The following FAM13B variants were observed in gnomAD, a reference collection of about 807,000 sequenced individuals.
FAM13B encodes the protein protein FAM13B.
In FAM13B, 60 loss-of-function variants were observed where a neutral mutation model predicts 117.3. The observed-to-expected ratio is 0.51, with a 90% CI of 0.42 to 0.63. The LOEUF (loss-of-function observed/expected upper bound fraction) is 0.63. Among genes scored for constraint, FAM13B ranks in the 30% least tolerant of loss-of-function variants. FAM13B has a pLI of 0.00. For synonymous variants in FAM13B, 332 were observed against 356.1 expected, an observed-to-expected ratio of 0.93 and a Z score of 0.76; for missense variants, 972 against 1,091.9, an observed-to-expected ratio of 0.89 and a Z score of 1.55.
chr5:137,988,060 CA>C (rs1327749233), intron 8 of FAM13B, among the ~76,000 whole-genome samples: 4 of 152,044 alleles, frequency 2.6e-5, no homozygotes, highest in East Asian at 1.9e-4. Flanking sequence ...TCAGAGGATT[CA>C]AAAAAACCAT....
At chr5:138,049,325 A>G (rs1362380041) in intron 1 of FAM13B, among the ~76,000 whole-genome samples, 1 of 151,624 alleles carries the variant, frequency 6.6e-6, no homozygotes, top group Admixed American at 6.6e-5. Context: ...CCAGGCTGGA[A>G]TACAATGGCG....
chr5:138,031,061 A>C (rs894274236), intron 1 of FAM13B, among the ~76,000 whole-genome samples: 10 of 152,082 alleles, frequency 6.6e-5, no homozygotes, highest in Admixed American at 6.6e-5. Flanking sequence ...AATTTACACT[A>C]TTATAGTCCC....
chr5:138,001,454 G>C (rs954885361), intron 7 of FAM13B, among the ~76,000 whole-genome samples: 2 of 152,096 alleles, frequency 1.3e-5, no homozygotes, highest in African/African-American at 4.8e-5. Context: ...TGACACATTT[G>C]CTATATATGT....
upstream of FAM13B, chr5:138,036,161 T>G: frequency 2.8e-6 from 1 of 351,870 alleles, no homozygotes; most frequent in Non-Finnish European, 5.6e-6. Context: ...TCACTGTAGT[T>G]CTGTATGTTA....
chr5:137,988,277 G>A lies in FAM13B; in HGVS notation c.887C>T (p.Thr296Ile). Residue 296 changes from threonine (T) to isoleucine (I), a missense_variant, in exon 8 of 24, where the codon ACA (threonine) becomes ATA (isoleucine). By Grantham distance (89) the Thr-to-Ile change is moderately conservative. Coordinates refer to ENST00000689681, the MANE Select transcript of FAM13B (RefSeq NM_001385994.1). ...CTTCTATAAATATACTACTTACTCT[G>A]TAGAGGCTGGTAGGATGCTGATGGG... Reference protein sequence around the residue: ...ISPISILPASTDILERTIRAA... With the variant: ...ISPISILPASIDILERTIRAA... 1 of 1,549,968 alleles carries A rather than the reference G, an allele frequency of 6.5e-7. No individual in the cohort carries two copies. The highest frequency in any genetic ancestry group is 8.6e-7 in the Non-Finnish European group (1 of 1,159,108).
chr5:137,978,797 T>G (rs1179387853), intron 10 of FAM13B, among the ~76,000 whole-genome samples: 1 of 152,166 alleles, frequency 6.6e-6, no homozygotes, highest in African/African-American at 2.4e-5. Flanking sequence ...TGGCATTCAC[T>G]CACAGACAAA....
chr5:137,967,668 G>A (rs1177842674), intron 10 of FAM13B, among the ~76,000 whole-genome samples: 1 of 152,134 alleles, frequency 6.6e-6, no homozygotes, highest in Admixed American at 6.5e-5. Context: ...TGAGGTGGGA[G>A]AATTGCTTGA....
In FAM13B at chr5:137,985,375, T is replaced by G; in HGVS notation, c.1061A>C (p.Asp354Ala). 8.1e-6 allele frequency: 13 copies of G among 1,613,718 alleles called. No individual in the cohort carries two copies. Among genetic ancestry groups the G allele is most frequent in the Non-Finnish European group, 1.1e-5 (13 of 1,179,900 alleles). ...EGSNNQIDIA[D>A]DIINASESNR... ...ACTTTCACTGGCATTAATAATATCA[T>G]CAGCAATATCAATCCTAGGGATGAA... The change falls in exon 10 of 24, where the codon GAT (aspartate) becomes GCT (alanine). Residue 354 changes from aspartate (D) to alanine (A), a missense_variant. Transcript: ENST00000689681.
chr5:137,971,158 A>T (rs894345890), intron 10 of FAM13B, among the ~76,000 whole-genome samples: 1 of 151,308 alleles, frequency 6.6e-6, no homozygotes, highest in Admixed American at 6.6e-5. Flanking sequence ...CAGAATATAC[A>T]TTTTTTTCAG....
At chr5:138,030,503 T>C (rs1789607430) in intron 1 of FAM13B, among the ~76,000 whole-genome samples, 2 of 150,402 alleles carry the variant, frequency 1.3e-5, no homozygotes, top group South Asian at 4.3e-4. Flanking sequence ...AGCCTTAGCC[T>C]CCCAAAGTGC....
At position 137,987,557 on chromosome 5, in the gene FAM13B, C is replaced by A. The variant is rs1190405669; in HGVS notation, c.950G>T (p.Ser317Ile). 1.2e-6 allele frequency: 2 copies of A among 1,613,396 alleles called. No homozygotes were observed. Among genetic ancestry groups the A allele is most frequent in the South Asian group, 1.1e-5 (1 of 91,016 alleles). Residue 317 changes from serine (S) to isoleucine (I), a missense_variant, in exon 9 of 24, where the codon AGC (serine) becomes ATC (isoleucine). Ser to Ile is a moderately radical substitution (Grantham distance 142). Transcript: ENST00000689681. The part of the protein sequence containing the change: ...VEQHLFDLQS[S>I]IDHDLKNLQQ... ...TAAATTCTTAAGATCATGATCTATG[C>A]TGCTCTGAAGATCAAAAAGGTGCTG... is the stretch of plus-strand genomic sequence containing the variant.
intron 1 of FAM13B, among the ~76,000 whole-genome samples, chr5:138,030,190 CATTT>C (rs1427311747): frequency 6.6e-6 from 1 of 152,158 alleles, no homozygotes; most frequent in African/African-American, 2.4e-5. Flanking sequence ...CTAATGGTCT[CATTT>C]ATTAATTTAT....
chr5:138,023,323 T>C (rs904554306), intron 1 of FAM13B, among the ~76,000 whole-genome samples: 1 of 152,172 alleles, frequency 6.6e-6, no homozygotes, highest in Admixed American at 6.5e-5. Context: ...GCAACAAACA[T>C]TAAATGAGCA....
chr5:138,037,791 C>T (rs967651267), upstream of FAM13B, among the ~76,000 whole-genome samples: 2 of 152,098 alleles, frequency 1.3e-5, no homozygotes, highest in Non-Finnish European at 2.9e-5. Context: ...TAATAAGAAA[C>T]GAGCCACCCT....
intron 13 of FAM13B, among the ~76,000 whole-genome samples, chr5:137,956,779 G>A (rs573229411): frequency 1.3e-4 from 19 of 151,640 alleles, no homozygotes; most frequent in South Asian, 1.2e-3. Context: ...ACTCAAAGTC[G>A]TGCTATTTTA....
chr5:138,033,122 G>T (rs1258437065), upstream of FAM13B: 4 of 871,890 alleles, frequency 4.6e-6, no homozygotes, highest in East Asian at 4.8e-4. Flanking sequence ...GTGGGAGGGG[G>T]CGGGGCAGGC....
At chr5:137,999,004 A>C (rs939720291) in intron 7 of FAM13B, among the ~76,000 whole-genome samples, 1 of 152,186 alleles carries the variant, frequency 6.6e-6, no homozygotes, top group Non-Finnish European at 1.5e-5. Context: ...CAAGGTCCCC[A>C]AGGTCCCCCA....
chr5:137,969,655 C>T (rs1475220443), intron 10 of FAM13B, among the ~76,000 whole-genome samples: 1 of 152,146 alleles, frequency 6.6e-6, no homozygotes, highest in Non-Finnish European at 1.5e-5. Flanking sequence ...GACGATCAAA[C>T]TACTCCAAGC....
chr5:138,025,489 A>T (rs2151026964), intron 1 of FAM13B, among the ~76,000 whole-genome samples: 1 of 151,860 alleles, frequency 6.6e-6, no homozygotes, highest in Middle Eastern at 3.4e-3. Context: ...CAATGCAATT[A>T]AACACCAATT....
Sources: allele counts gnomAD v4.1 joint callset (sites outside exome capture counted in the v4.1 genomes callset), GRCh38; gene constraint gnomAD v4.1.1; transcripts MANE v1.5; gene names NCBI Gene and HGNC (gene_info 2026-07-23, HGNC 2026-07-21).